Variants in ZNF254 observed in about 807,000 individuals in gnomAD.
ZNF254 encodes zinc finger protein 254.
In ZNF254, 10 loss-of-function variants were observed where a neutral mutation model predicts 12.4. The ratio of observed to expected loss-of-function variants is 0.80; its 90% CI spans 0.50 to 1.36. The LOEUF is 1.36. ZNF254 is among the 40% of genes most tolerant of loss of function. The probability of loss-of-function intolerance (pLI) is 0.00; values close to 1 mark genes in which losing one functional copy is unlikely to be tolerated. For missense variants in ZNF254, 996 were observed against 763.9 expected, an observed-to-expected ratio of 1.30 and a Z score of -3.58; for synonymous variants, 305 against 253.4, an observed-to-expected ratio of 1.20 and a Z score of -1.93.
intron 2 of ZNF254, among the ~76,000 whole-genome samples, chr19:24,058,518 C>A (rs944195559): frequency 1.8e-4 from 28 of 151,354 alleles, no homozygotes; most frequent in African/African-American, 6.8e-4. Context: ...TTAAACAATT[C>A]TGTCTCAGCC....
intron 1 of ZNF254, among the ~76,000 whole-genome samples, chr19:24,043,268 T>A (rs1599574700): frequency 2.0e-5 from 2 of 100,428 alleles, no homozygotes; most frequent in Admixed American, 9.3e-5. Flanking sequence ...CAAAAAAAAA[T>A]TTTTTTTTTT....
intron 2 of ZNF254, among the ~76,000 whole-genome samples, chr19:24,060,841 G>T (rs1971038201): frequency 6.6e-6 from 1 of 152,136 alleles, no homozygotes. Context: ...CAGTTTGGGT[G>T]ATTGTGTCAT....
chr19:24,101,802 C>T (rs1447663078), intron 1 of ZNF254, among the ~76,000 whole-genome samples: 1 of 152,140 alleles, frequency 6.6e-6, no homozygotes, highest in Non-Finnish European at 1.5e-5. Context: ...TTGAGAATCT[C>T]CAGAACAGAA....
intron 3 of ZNF254, among the ~76,000 whole-genome samples, chr19:24,122,101 C>A (rs1180310072): frequency 6.6e-6 from 1 of 152,108 alleles, no homozygotes; most frequent in Admixed American, 6.6e-5. Context: ...AAATTTACCA[C>A]AAAATATTTT....
chr19:24,058,741 G>A (rs1043112743), intron 2 of ZNF254, among the ~76,000 whole-genome samples: 3 of 152,082 alleles, frequency 2.0e-5, no homozygotes, highest in Non-Finnish European at 4.4e-5. Context: ...CTTTGGTGCT[G>A]ACCACAGTGA....
chr19:24,048,758 G>A (rs1014912554), intron 2 of ZNF254, among the ~76,000 whole-genome samples: 3 of 151,560 alleles, frequency 2.0e-5, no homozygotes, highest in South Asian at 4.2e-4. Flanking sequence ...TGTTGTTTTA[G>A]ATTTCTTTCA....
At chr19:24,106,971 T>G (rs1973381664) in intron 3 of ZNF254, 1 of 438,558 alleles carries the variant, frequency 2.3e-6, no homozygotes. Context: ...TTTGAGATAC[T>G]GTATGTTAAA....
intron 3 of ZNF254, among the ~76,000 whole-genome samples, chr19:24,108,468 C>T (rs1973469764): frequency 6.6e-6 from 1 of 152,200 alleles, no homozygotes; most frequent in Admixed American, 6.5e-5. Flanking sequence ...AGTTTCACAA[C>T]TCCTTTCCTG....
chr19:24,106,343 T>C (rs1490236180), intron 2 of ZNF254: 5 of 529,632 alleles, frequency 9.4e-6, no homozygotes, highest in Non-Finnish European at 1.5e-5. Flanking sequence ...GCATCACCAA[T>C]TTTTGATTCA....
chr19:24,106,911 T>C (rs1343849566), intron 3 of ZNF254: 1 of 406,628 alleles, frequency 2.5e-6, no homozygotes, highest in Non-Finnish European at 4.3e-6. Context: ...GAGTGTACAA[T>C]CTGACTTCTT....
chr19:24,060,565 C>A (rs1971028251), intron 2 of ZNF254, among the ~76,000 whole-genome samples: 1 of 152,142 alleles, frequency 6.6e-6, no homozygotes, highest in South Asian at 2.1e-4. Context: ...AGCTTGTGAC[C>A]TATCTCTGGG....
At chr19:24,042,717 C>T (rs1049768912) in intron 1 of ZNF254, among the ~76,000 whole-genome samples, 1 of 152,210 alleles carries the variant, frequency 6.6e-6, no homozygotes, top group African/African-American at 2.4e-5. Context: ...TGTGTCTTCC[C>T]TACAGGTTAT....
At chr19:24,107,110 G>GAAAT (rs550606436) in intron 3 of ZNF254, 1 of 486,092 alleles carries the variant, frequency 2.1e-6, no homozygotes, top group Non-Finnish European at 3.6e-6. Context: ...CTGTAGTCTT[G>GAAAT]AAATATAGTT....
intron 3 of ZNF254, among the ~76,000 whole-genome samples, chr19:24,117,073 A>T (rs1974128901): frequency 6.6e-6 from 1 of 152,122 alleles, no homozygotes; most frequent in Admixed American, 6.5e-5. Context: ...TCAGAGGAGT[A>T]CCCAGCCATG....
intron 1 of ZNF254, among the ~76,000 whole-genome samples, chr19:24,094,043 G>T (rs1453297362): frequency 2.0e-5 from 3 of 152,112 alleles, no homozygotes. Flanking sequence ...GTTGTGAAGG[G>T]ATTGTGTTTA....
At chr19:24,068,198 A>G (rs1483875324) in intron 2 of ZNF254, among the ~76,000 whole-genome samples, 2 of 151,978 alleles carry the variant, frequency 1.3e-5, no homozygotes, top group African/African-American at 4.8e-5. Flanking sequence ...GGGATCAGCC[A>G]CCAGGTATGT....
At chr19:24,079,560 C>A (rs1420774203) in intron 2 of ZNF254, 26 of 152,192 alleles carry the variant, frequency 1.7e-4, no homozygotes, top group Non-Finnish European at 1.5e-5. Flanking sequence ...TATAATAAGA[C>A]AAGTTTGGTC....
At chr19:24,049,142 T>A (rs1283674012) in intron 2 of ZNF254, 1 of 143,208 alleles carries the variant, frequency 7.0e-6, no homozygotes, top group Non-Finnish European at 1.5e-5. Context: ...CCTTTTTTTT[T>A]AAGAAGAGAC....
chr19:24,061,508 T>C (rs183608447), intron 2 of ZNF254, among the ~76,000 whole-genome samples: 1 of 152,332 alleles, frequency 6.6e-6, no homozygotes, highest in African/African-American at 2.4e-5. Flanking sequence ...CCAGGTGATA[T>C]GTCTCTCCTG....
Sources: gnomAD v4.1 joint callset for allele counts (sites outside exome capture counted in the v4.1 genomes callset) on GRCh38, gnomAD v4.1.1 for gene constraint, MANE v1.5 for transcripts, NCBI Gene and HGNC (gene_info 2026-07-23, HGNC 2026-07-21) for gene names.